STAG1: variants seen among roughly 807,000 people sequenced by gnomAD.
The protein encoded by STAG1 is cohesin subunit SA-1.
In STAG1, 26 loss-of-function variants were observed where a neutral mutation model predicts 170.9. The ratio of observed to expected loss-of-function variants is 0.15; its 90% confidence interval spans 0.11 to 0.21. The LOEUF (loss-of-function observed/expected upper bound fraction) is 0.21, where lower values mean the gene tolerates loss of function less well. STAG1 is among the 10% of genes least tolerant of loss of function. STAG1 has a pLI of 1.00. For missense variants in STAG1, 964 were observed against 1,509.5 expected (o/e 0.64, Z 5.99); for synonymous variants, 514 against 497.7 (o/e 1.03, Z -0.44).
Position 136,521,284 on chromosome 3 carries a change from G to A in STAG1, c.605C>T (p.Thr202Ile). The A allele has an allele frequency of 6.2e-7, 1 of 1,613,758 alleles. No individual in the cohort carries two copies. Among genetic ancestry groups the A allele is most frequent in the Non-Finnish European group, 8.5e-7 (1 of 1,179,814 alleles). ...SIIYDEYMMD[T>I]VISLLTGLSD... ...CAAACCCGTCAAAAGGGAGATTACT[G>A]TGTCCATCATATACTCATCATAAAT... The change falls in exon 7 of 34, where the codon ACA becomes ATA. Residue 202 changes from threonine to isoleucine, a missense_variant. By Grantham distance (89) the Thr-to-Ile change is moderately conservative. Around this residue, in one of 11 missense-constraint regions of STAG1, gnomAD observed 40 missense variants for 44.1 expected, o/e 0.91. Transcript: ENST00000383202.
intron 6 of STAG1, among the ~76,000 whole-genome samples, chr3:136,541,229 G>A (rs1171887231): frequency 6.6e-6 from 1 of 151,986 alleles, no homozygotes; most frequent in African/African-American, 2.4e-5. Flanking sequence ...CAATATTTTA[G>A]TGCTGAAAGT....
At chr3:136,389,403 C>T (rs2086950485) in intron 22 of STAG1, among the ~76,000 whole-genome samples, 1 of 152,132 alleles carries the variant, frequency 6.6e-6, no homozygotes, top group Non-Finnish European at 1.5e-5. Flanking sequence ...AGCAATTCTT[C>T]TGTCTCAGCC....
At chr3:136,596,110 T>C (rs1006562434) in intron 4 of STAG1, among the ~76,000 whole-genome samples, 6 of 152,214 alleles carry the variant, frequency 3.9e-5, no homozygotes, top group African/African-American at 1.4e-4. Context: ...GAATATTACA[T>C]AAATTTATAT....
intron 1 of STAG1, among the ~76,000 whole-genome samples, chr3:136,651,281 G>A (rs1941207616): frequency 6.6e-6 from 1 of 151,386 alleles, no homozygotes; most frequent in Non-Finnish European, 1.5e-5. Context: ...TGGGAGGACT[G>A]CTTGAGCCCG....
chr3:136,354,759 A>AAAAAAAAAAAAAAAAAAAAAAAC, intron 28 of STAG1, among the ~76,000 whole-genome samples: 1 of 145,016 alleles, frequency 6.9e-6, no homozygotes, highest in African/African-American at 2.5e-5. Context: ...AGAACCAAAA[A>AAAAAAAAAAAAAAAAAAAAAAAC]AAAAAAAAAC....
chr3:136,440,476 A>G lies in STAG1; in HGVS notation c.1546+2811T>C, dbSNP rs905612993. 4.0e-5 allele frequency among the ~76,000 whole-genome samples: 6 copies of G among 151,820 alleles called. No individual in the cohort carries two copies. In the East Asian group the frequency reaches 9.7e-4, roughly 25 times the overall value. The stretch of plus-strand genomic sequence containing the variant: ...TTTGCCTCCCTTCTCCTTGGAAATA[A>G]CCTTATGGAACATGGGGTGATATAC... On this transcript the variant is annotated intron_variant, in intron 15 of 33. Transcript: ENST00000383202.
In STAG1 at chr3:136,457,390, C is replaced by T. The variant is rs569099810; in HGVS notation, c.1314-5243G>A. On this transcript the variant is annotated intron_variant, in intron 13 of 33. Coordinates refer to ENST00000383202, the MANE Select transcript of STAG1 (RefSeq NM_005862.3). ...GAAAATAGTAAACTGTCACAGATAA[C>T]GCTTGATGCACCGCTACCTTTCTAC... 6.7e-4 allele frequency among the ~76,000 whole-genome samples: 102 copies of T among 152,246 alleles called. 1 individual carries two copies. In the South Asian group the frequency reaches 0.019, roughly 28 times the overall value.
At chr3:136,362,044 C>T (rs1936885836) in intron 26 of STAG1, among the ~76,000 whole-genome samples, 1 of 152,054 alleles carries the variant, frequency 6.6e-6, no homozygotes, top group Non-Finnish European at 1.5e-5. Context: ...CAACCCCCGC[C>T]TCCCAGGTCC....
At chr3:136,384,092 A>G (rs1250426127) in intron 22 of STAG1, among the ~76,000 whole-genome samples, 1 of 152,194 alleles carries the variant, frequency 6.6e-6, no homozygotes, top group African/African-American at 2.4e-5. Flanking sequence ...CCAGTATGCT[A>G]TAATGACTCT....
chr3:136,608,230 G>C (rs1939059860), intron 3 of STAG1, among the ~76,000 whole-genome samples: 1 of 150,558 alleles, frequency 6.6e-6, no homozygotes, highest in Non-Finnish European at 1.5e-5. Context: ...TTGTACTCCA[G>C]CCTGGGCAAC....
intron 6 of STAG1, among the ~76,000 whole-genome samples, chr3:136,530,095 G>A (rs1251776488): frequency 6.6e-6 from 1 of 152,150 alleles, no homozygotes; most frequent in Non-Finnish European, 1.5e-5. Flanking sequence ...CTATACTTAT[G>A]ATGAGTGAAA....
At position 136,369,276 on chromosome 3, in the gene STAG1, T is replaced by C. The variant is rs777184101; in HGVS notation, c.2377A>G (p.Met793Val). The C allele has an allele frequency of 1.2e-5, 19 of 1,584,146 alleles. No individual in the cohort carries two copies. The highest frequency in any genetic ancestry group is 1.6e-5 in the Non-Finnish European group (19 of 1,171,812). The change falls in exon 24 of 34, where the codon ATG (methionine) becomes GTG (valine). Residue 793 changes from methionine to valine, a missense_variant. Met to Val is a conservative substitution (Grantham distance 21). Coordinates refer to ENST00000383202, the MANE Select transcript of STAG1 (RefSeq NM_005862.3). Reference sequence around the variant, plus strand: ...ATCATCAGAAGATCACAGAGTAACATGAAAGCCTGGAATACAAAGGCAATT... The same window carrying C: ...ATCATCAGAAGATCACAGAGTAACACGAAAGCCTGGAATACAAAGGCAATT... The part of the protein sequence containing the change: ...VNTPVKEQAF[M>V]LLCDLLMIFS...
intron 6 of STAG1, among the ~76,000 whole-genome samples, chr3:136,529,057 G>T (rs1289873038): frequency 2.0e-5 from 3 of 152,030 alleles, no homozygotes; most frequent in African/African-American, 7.2e-5. Context: ...CAAAAGACTG[G>T]ATCAAGCAGA....
intron 16 of STAG1, among the ~76,000 whole-genome samples, chr3:136,430,458 TG>T (rs2088264082): frequency 6.6e-6 from 1 of 152,154 alleles, no homozygotes; most frequent in Non-Finnish European, 1.5e-5. Flanking sequence ...TTCCCTTTTG[TG>T]TTACTCTTGT....
intron 22 of STAG1, among the ~76,000 whole-genome samples, chr3:136,388,927 T>C (rs1041030129): frequency 6.6e-6 from 1 of 152,106 alleles, no homozygotes; most frequent in African/African-American, 2.4e-5. Context: ...TACTAGAAAG[T>C]GTTATGTTTT....
intron 1 of STAG1, among the ~76,000 whole-genome samples, chr3:136,633,961 T>TGAAAAAA: frequency 4.6e-5 from 1 of 21,658 alleles, no homozygotes; most frequent in Non-Finnish European, 1.3e-4. Flanking sequence ...CTGTCTCTAC[T>TGAAAAAA]TAAAAAAAAA....
intron 1 of STAG1, among the ~76,000 whole-genome samples, chr3:136,727,295 CTA>C (rs1339796078): frequency 1.3e-5 from 2 of 152,106 alleles, no homozygotes; most frequent in Non-Finnish European, 2.9e-5. Flanking sequence ...CATTCCCCAT[CTA>C]TGTTTATGAT....
chr3:136,521,012 C>G (rs914114217), intron 7 of STAG1, among the ~76,000 whole-genome samples: 1 of 152,078 alleles, frequency 6.6e-6, no homozygotes, highest in Non-Finnish European at 1.5e-5. Context: ...TTTGATGACA[C>G]TGGCCAGAAA....
chr3:136,356,724 T>C lies in STAG1; in HGVS notation c.3065+996A>G, dbSNP rs6790083. Among the ~76,000 whole-genome samples, 1,193 of 152,150 alleles carry C rather than the reference T, an allele frequency of 7.8e-3. 16 individuals carry two copies. Among genetic ancestry groups the C allele is most frequent in the African/African-American group, 0.027 (1,105 of 41,512 alleles). On this transcript the variant is annotated intron_variant, in intron 28 of 33. Coordinates refer to ENST00000383202, the MANE Select transcript of STAG1 (RefSeq NM_005862.3). ...AGTTTATAAAATTTAGGATTCATTA[T>C]AGTATTATCCTCTAAAAAAGTTTTT...
Sources: allele counts gnomAD v4.1 joint callset (sites outside exome capture counted in the v4.1 genomes callset), GRCh38; gene constraint gnomAD v4.1.1; regional missense constraint gnomAD v4.1.1; transcripts MANE v1.5; gene names NCBI Gene and HGNC (gene_info 2026-07-23, HGNC 2026-07-21).